Variants in RERE observed in about 807,000 individuals in gnomAD.
RERE encodes arginine-glutamic acid dipeptide repeats, also known as arginine-glutamic acid dipeptide repeats protein.
Under a neutral mutation model 146.1 loss-of-function variants are expected in RERE, and 40 were observed. That is an observed-to-expected ratio of 0.27 (90% CI 0.21 to 0.36). The LOEUF is 0.36. RERE is among the 10% of genes least tolerant of loss of function. The pLI is 1.00. For missense variants in RERE, 1,933 were observed against 2,138.7 expected, an observed-to-expected ratio of 0.90 and a Z score of 1.90; for synonymous variants, 1,003 against 866.0, an observed-to-expected ratio of 1.16 and a Z score of -2.78.
chr1:8,780,403 G>A (rs1352375580), intron 1 of RERE, among the ~76,000 whole-genome samples: 1 of 152,154 alleles, frequency 6.6e-6, no homozygotes, highest in East Asian at 1.9e-4. Flanking sequence ...CAGTGGACTA[G>A]GAGATCCTCA....
intron 7 of RERE, among the ~76,000 whole-genome samples, chr1:8,514,115 A>G (rs1645378783): frequency 6.6e-6 from 1 of 152,248 alleles, no homozygotes; most frequent in African/African-American, 2.4e-5. Flanking sequence ...CAGAGTGGTG[A>G]GTACAAGCTT....
intron 4 of RERE, 106 bp downstream of exon 4, chr1:8,614,455 A>G: frequency 8.2e-7 from 1 of 1,223,184 alleles, no homozygotes; most frequent in Non-Finnish European, 1.1e-6. Context: ...AACACATATA[A>G]TACAGCACAT....
chr1:8,442,934 G>GTTTCTGCCCTAGGTATC (rs1644268940), intron 11 of RERE, among the ~76,000 whole-genome samples: 1 of 152,222 alleles, frequency 6.6e-6, no homozygotes, highest in African/African-American at 2.4e-5. Context: ...AAAGATGGCT[G>GTTTCTGCCCTAGGTATC]TGTTGTGTTT....
intron 1 of RERE, among the ~76,000 whole-genome samples, chr1:8,763,337 TAAA>T (rs1640789059): frequency 6.6e-6 from 1 of 152,200 alleles, no homozygotes; most frequent in South Asian, 2.1e-4. Context: ...CATGCAGTAT[TAAA>T]AATGATGTCC....
intron 1 of RERE, chr1:8,786,327 AT>A (rs761432082): frequency 1.4e-5 from 12 of 872,968 alleles, no homozygotes; most frequent in Non-Finnish European, 2.1e-5. Context: ...ACAGGAAGTT[AT>A]TTGCTTCTTT....
At chr1:8,811,905 G>A (rs1479682475) in intron 1 of RERE, among the ~76,000 whole-genome samples, 1 of 152,198 alleles carries the variant, frequency 6.6e-6, no homozygotes, top group Non-Finnish European at 1.5e-5. Flanking sequence ...CTAGGGTAAG[G>A]CGCCACAAAC....
rs1641316006 is a variant in RERE at position 8,356,880 on chromosome 1, C to T, written c.4340-634G>A. Among the ~76,000 whole-genome samples the T allele has an allele frequency of 6.6e-6, 1 of 152,220 alleles. No individual in the cohort carries two copies. Among genetic ancestry groups the T allele is most frequent in the Non-Finnish European group, 1.5e-5 (1 of 68,036 alleles). ...GGCAGGGATTTCAGGGTTGCCACCT[C>T]CAGCCATGCTGCCCTGGGGTCCCTG... is the stretch of plus-strand genomic sequence containing the variant. On this transcript the variant is annotated intron_variant, in intron 20 of 22. Transcript: ENST00000400908. The surrounding 1 kb of genome is among the most constrained non-coding windows in gnomAD (Gnocchi z 5.2).
At chr1:8,639,288 T>C (rs1416015102) in intron 2 of RERE, among the ~76,000 whole-genome samples, 8 of 152,138 alleles carry the variant, frequency 5.3e-5, no homozygotes, top group Middle Eastern at 3.2e-3. Flanking sequence ...AACTGGGAGA[T>C]AATAGAAGTA....
Position 8,531,445 on chromosome 1 carries a change from C to CA in RERE, c.830+9768dup, listed in dbSNP as rs59456624. 7.8e-3 allele frequency among the ~76,000 whole-genome samples: 979 copies of CA among 125,944 alleles called. 3 individuals are homozygous for CA. Among genetic ancestry groups the CA allele is most frequent in the Admixed American group, 0.01 (130 of 12,654 alleles). 82.6% of individuals were successfully genotyped at this position (125,944 alleles called of 152,430 possible). On this transcript the variant is annotated intron_variant, in intron 7 of 22. Coordinates refer to ENST00000400908, the MANE Select transcript of RERE (RefSeq NM_001042681.2). ...GCAACAGAGCGAGACTCCACCTCAA[C>CA]AAAAAAAAAAAACACAACACAAAAC...
chr1:8,583,576 T>C (rs553003948), intron 4 of RERE, among the ~76,000 whole-genome samples: 19 of 152,258 alleles, frequency 1.2e-4, no homozygotes, highest in Admixed American at 3.9e-4. Flanking sequence ...CTAGACACTT[T>C]TGAACTCTTC....
chr1:8,603,773 AAGG>A (rs1247566232), intron 4 of RERE, among the ~76,000 whole-genome samples: 3 of 151,954 alleles, frequency 2.0e-5, no homozygotes, highest in Admixed American at 6.6e-5. Context: ...TAAGCAACAT[AAGG>A]AGGAGACCCT....
intron 12 of RERE, among the ~76,000 whole-genome samples, chr1:8,378,724 C>T (rs2124402451): frequency 6.6e-6 from 1 of 152,276 alleles, no homozygotes; most frequent in Middle Eastern, 3.4e-3. Flanking sequence ...GCTGAAGCAA[C>T]CCAGTCTACG....
At chr1:8,693,354 G>A (rs11121219) in intron 1 of RERE, among the ~76,000 whole-genome samples, 3,910 of 152,196 alleles carry the variant, frequency 0.026, 149 homozygotes, top group African/African-American at 0.089. Flanking sequence ...GATGTCCTTC[G>A]GTAGGTAAGC....
At chr1:8,691,443 A>G (rs941107245) in intron 1 of RERE, among the ~76,000 whole-genome samples, 1 of 152,222 alleles carries the variant, frequency 6.6e-6, no homozygotes, top group Non-Finnish European at 1.5e-5. Flanking sequence ...GCACAAGTCA[A>G]TGGCCTCAAA....
intron 1 of RERE, among the ~76,000 whole-genome samples, chr1:8,736,507 T>C (rs1031460681): frequency 6.6e-6 from 1 of 152,150 alleles, no homozygotes; most frequent in African/African-American, 2.4e-5. Context: ...GCGCCCGGCC[T>C]ATACTTGTTC....
At chr1:8,530,686 T>TTTC (rs1015053204) in intron 7 of RERE, among the ~76,000 whole-genome samples, 1,092 of 100,250 alleles carry the variant, frequency 0.011, 17 homozygotes, top group Non-Finnish European at 0.018. Context: ...TTTCTTTTTT[T>TTTC]TTTTTTTTTT....
intron 1 of RERE, among the ~76,000 whole-genome samples, chr1:8,764,120 C>A (rs1253106396): frequency 6.6e-6 from 1 of 151,846 alleles, no homozygotes; most frequent in Non-Finnish European, 1.5e-5. Context: ...GGTTCCCACG[C>A]TGTCTTCCCT....
At chr1:8,760,897 G>A (rs1183187209) in intron 1 of RERE, among the ~76,000 whole-genome samples, 1 of 152,116 alleles carries the variant, frequency 6.6e-6, no homozygotes, top group Non-Finnish European at 1.5e-5. Context: ...TGTTCCATGT[G>A]CCAGGCTAAA....
rs898469534 is a variant in RERE, at chr1:8,595,935, C to G, written c.522+18626G>C. On this transcript the variant is annotated intron_variant, in intron 4 of 22. Coordinates refer to ENST00000400908, the MANE Select transcript of RERE (RefSeq NM_001042681.2). ...AAGCAAGTAAGTTTTGGAGTGACTC[C>G]TTCAGGGCACTAATCCCCAAAAGTT... Among the ~76,000 whole-genome samples the G allele has an allele frequency of 2.0e-5, 3 of 152,326 alleles. No individual in the cohort carries two copies. The South Asian group carries it at 6.2e-4, about 32-fold the overall frequency.
Sources: allele counts gnomAD v4.1 joint callset (sites outside exome capture counted in the v4.1 genomes callset), GRCh38; gene constraint gnomAD v4.1.1; non-coding constraint Gnocchi (gnomAD v3.1); transcripts MANE v1.5; gene names NCBI Gene and HGNC (gene_info 2026-07-23, HGNC 2026-07-21).